The following SYCE2 variants were observed in gnomAD, a reference collection of about 807,000 sequenced individuals.
SYCE2 encodes central element synaptonemal complex 1.
Under a neutral mutation model 27.9 loss-of-function variants are expected in SYCE2, and 3 were observed. The ratio of observed to expected loss-of-function variants is 0.11; its 90% CI spans 0.05 to 0.28. The LOEUF is 0.28. SYCE2 is among the 10% of genes least tolerant of loss of function. SYCE2 has a pLI of 1.00. For synonymous variants in SYCE2, 85 were observed against 100.7 expected (o/e 0.84, Z 0.93); for missense variants, 207 against 263.5 (o/e 0.79, Z 1.48).
chr19:12,909,545 CTT>C (rs1971006178), intron 2 of SYCE2, among the ~76,000 whole-genome samples: 1 of 151,708 alleles, frequency 6.6e-6, no homozygotes, highest in Non-Finnish European at 1.5e-5. Context: ...TTTCTACCTT[CTT>C]TGTTTTTTTA....
intron 2 of SYCE2, among the ~76,000 whole-genome samples, chr19:12,916,664 C>T (rs182358392): frequency 2.0e-5 from 3 of 152,282 alleles, no homozygotes; most frequent in East Asian, 1.9e-4. Flanking sequence ...GAAGCAATCA[C>T]GTCTCACTGC....
chr19:12,916,066 CT>C (rs35687682), intron 2 of SYCE2, among the ~76,000 whole-genome samples: 7,140 of 137,656 alleles, frequency 0.052, 434 homozygotes, highest in African/African-American at 0.15. Context: ...CCATATCAGC[CT>C]TTTTTTTTTT....
At chr19:12,914,328 C>T (rs1971098041) in intron 2 of SYCE2, 1 of 152,178 alleles carries the variant, frequency 6.6e-6, no homozygotes, top group Non-Finnish European at 1.5e-5. Context: ...GAGCCTCCCA[C>T]CATTAGCCAA....
chr19:12,918,135 G>T, intron 2 of SYCE2, 87 bp downstream of exon 2: 1 of 1,145,530 alleles, frequency 8.7e-7, no homozygotes, highest in Non-Finnish European at 1.3e-6. Context: ...AAAAGCAGCA[G>T]ACACTGGCAT....
intron 5 of SYCE2, chr19:12,899,589 T>C (rs371237723): frequency 1.2e-5 from 19 of 1,613,804 alleles, no homozygotes; most frequent in Non-Finnish European, 1.5e-5. Context: ...TCTGGAGAGA[T>C]GCCTGGCTGG....
In SYCE2 at chr19:12,900,104, C is replaced by G. The variant is rs1970804923; in HGVS notation, c.512G>C (p.Arg171Thr). Residue 171 changes from arginine to threonine, a missense_variant, in exon 5 of 6, where the codon AGA (arginine) becomes ACA (threonine). Physicochemically the swap from Arg to Thr is moderately conservative, Grantham distance 71. Coordinates refer to ENST00000293695, the MANE Select transcript of SYCE2 (RefSeq NM_001105578.2). Reference sequence around the variant, plus strand: ...TCCCCTAGAGTGGTCTGGCCCCCATCTGAGTCTTAGGCTCTGCTGTAAAAA... The same window carrying G: ...TCCCCTAGAGTGGTCTGGCCCCCATGTGAGTCTTAGGCTCTGCTGTAAAAA... ...CLQPEQSLRLRWGPDHSRGKS... is the reference protein window; with the variant it reads ...CLQPEQSLRLTWGPDHSRGKS... 6.2e-7 allele frequency: 1 copy of G among 1,612,622 alleles called. No individual in the cohort carries two copies. The highest frequency in any genetic ancestry group is 2.2e-5 in the East Asian group (1 of 44,870).
At chr19:12,912,007 G>A (rs1267107211) in intron 2 of SYCE2, among the ~76,000 whole-genome samples, 2 of 151,610 alleles carry the variant, frequency 1.3e-5, no homozygotes, top group Non-Finnish European at 1.5e-5. Flanking sequence ...GCACGATCTC[G>A]GCTCACTGCA....
chr19:12,916,575 T>A (rs1971143608), intron 2 of SYCE2, among the ~76,000 whole-genome samples: 1 of 152,140 alleles, frequency 6.6e-6, no homozygotes, highest in Non-Finnish European at 1.5e-5. Flanking sequence ...GTTTCTTCAT[T>A]CCACTTACTT....
chr19:12,919,077 G>C (rs896743768), intron 1 of SYCE2, among the ~76,000 whole-genome samples, 166 bp downstream of exon 1: 1 of 152,132 alleles, frequency 6.6e-6, no homozygotes, highest in East Asian at 1.9e-4. Flanking sequence ...GTCAGGGCCG[G>C]GTTCAGTCAG....
chr19:12,910,349 A>G (rs953489763), intron 2 of SYCE2, among the ~76,000 whole-genome samples: 4 of 149,716 alleles, frequency 2.7e-5, no homozygotes, highest in Admixed American at 2.0e-4. Context: ...AAATTTTGTT[A>G]TTATTATTTT....
intron 2 of SYCE2, among the ~76,000 whole-genome samples, chr19:12,906,765 A>G (rs1238101401): frequency 6.6e-6 from 1 of 152,044 alleles, no homozygotes; most frequent in African/African-American, 2.4e-5. Flanking sequence ...AAAATTAGCC[A>G]GGCGCAGTGG....
chr19:12,904,866 ACGGTGGCACGTG>A (rs1454144355), intron 2 of SYCE2, 200 bp from the exon 3 acceptor site: 3 of 488,108 alleles, frequency 6.1e-6, no homozygotes, highest in Non-Finnish European at 1.1e-5. Context: ...TTAGCCAGGC[ACGGTGGCACGTG>A]CCTGTAGTCC....
At chr19:12,904,200 A>C (rs1005921163) in intron 3 of SYCE2, among the ~76,000 whole-genome samples, 42 of 152,144 alleles carry the variant, frequency 2.8e-4, no homozygotes, top group Non-Finnish European at 5.9e-5. Flanking sequence ...ATTCATTTCC[A>C]AGCCTTATCT....
At chr19:12,899,959 T>C (rs371431562) in intron 5 of SYCE2, 45 bp downstream of exon 5, 1 of 1,573,148 alleles carries the variant, frequency 6.4e-7, no homozygotes, top group Non-Finnish European at 8.7e-7. Flanking sequence ...AATAAAGACC[T>C]GCACATCTGA....
At chr19:12,907,871 CGG>C (rs907282047) in intron 2 of SYCE2, among the ~76,000 whole-genome samples, 2 of 152,038 alleles carry the variant, frequency 1.3e-5, no homozygotes, top group African/African-American at 4.8e-5. Flanking sequence ...ACCAGCACTT[CGG>C]GGGGCTAAGG....
chr19:12,903,452 C>T (rs1970880637), intron 3 of SYCE2, among the ~76,000 whole-genome samples: 1 of 143,914 alleles, frequency 6.9e-6, no homozygotes, highest in Non-Finnish European at 1.5e-5. Flanking sequence ...TGCAGTGGTG[C>T]AATCTCGGCT....
intron 3 of SYCE2, among the ~76,000 whole-genome samples, chr19:12,902,478 A>G (rs755972120): frequency 2.6e-5 from 4 of 152,134 alleles, no homozygotes; most frequent in Non-Finnish European, 4.4e-5. Context: ...AAAAATGTTT[A>G]AAGAAAATTA....
intron 2 of SYCE2, among the ~76,000 whole-genome samples, chr19:12,910,424 C>T (rs1027655700): frequency 1.3e-5 from 2 of 151,724 alleles, no homozygotes; most frequent in African/African-American, 4.8e-5. Context: ...GTCGCTCAGG[C>T]TGGAGTGGTG....
At position 12,904,678 on chromosome 19, in the gene SYCE2, G is replaced by A. The variant is rs781011991; in HGVS notation, c.132-12C>T. ...GCTGGCAACTGGCACTGGAGGTGGC[G>A]ACACAAGGGCAAGAAACCTGACTTC... On this transcript the variant is annotated splice_polypyrimidine_tract_variant and intron_variant, in intron 2 of 5. Coordinates refer to ENST00000293695, the MANE Select transcript of SYCE2 (RefSeq NM_001105578.2). The A allele has an allele frequency of 1.9e-5, 30 of 1,612,582 alleles. No homozygotes were observed. The highest frequency in any genetic ancestry group is 4.5e-5 in the East Asian group (2 of 44,872).
Sources: gnomAD v4.1 joint callset for allele counts (sites outside exome capture counted in the v4.1 genomes callset) on GRCh38, gnomAD v4.1.1 for gene constraint, MANE v1.5 for transcripts, NCBI Gene and HGNC (gene_info 2026-07-23, HGNC 2026-07-21) for gene names.